The following ASAP1 variants were observed in gnomAD, a reference collection of about 807,000 sequenced individuals.
ASAP1 encodes the protein arf-GAP with SH3 domain, ANK repeat and PH domain-containing protein 1.
In ASAP1, 43 loss-of-function variants were observed where a neutral mutation model predicts 145.2. That is an observed-to-expected ratio of 0.30 (90% CI 0.23 to 0.38). The LOEUF is 0.38. ASAP1 is among the 10% of genes least tolerant of loss of function. The pLI, the probability that ASAP1 is intolerant of heterozygous loss-of-function variation, is 1.00. For missense variants in ASAP1, 1,018 were observed against 1,355.3 expected (o/e 0.75, Z 3.91); for synonymous variants, 546 against 515.5 (o/e 1.06, Z -0.80).
At chr8:130,065,368 A>C (rs1341184783) in intron 27 of ASAP1, among the ~76,000 whole-genome samples, 2 of 152,080 alleles carry the variant, frequency 1.3e-5, no homozygotes, top group African/African-American at 4.8e-5. Flanking sequence ...AGCTTTCTAG[A>C]AGCTCCTTGA....
intron 2 of ASAP1, among the ~76,000 whole-genome samples, chr8:130,363,360 A>AT (rs1025400723): frequency 3.4e-5 from 5 of 148,630 alleles, no homozygotes; most frequent in East Asian, 2.0e-4. Flanking sequence ...ACTGCATCTC[A>AT]TTTTTTTTAA....
intron 3 of ASAP1, among the ~76,000 whole-genome samples, chr8:130,315,703 T>C (rs1823624932): frequency 6.6e-6 from 1 of 152,216 alleles, no homozygotes; most frequent in African/African-American, 2.4e-5. Context: ...ATATCTGGTC[T>C]ACCCAGCTGC....
chr8:130,374,085 T>A (rs1363919874), intron 2 of ASAP1, among the ~76,000 whole-genome samples: 1 of 142,078 alleles, frequency 7.0e-6, no homozygotes, highest in Non-Finnish European at 1.5e-5. Flanking sequence ...AGCACAGAAC[T>A]TAGAAGTCAA....
intron 1 of ASAP1, among the ~76,000 whole-genome samples, chr8:130,440,143 C>T (rs2138840807): frequency 6.6e-6 from 1 of 152,252 alleles, no homozygotes; most frequent in East Asian, 1.9e-4. Flanking sequence ...ACCTCCATTG[C>T]TGCTGTCCAG....
chr8:130,130,824 G>A (rs1393734274), intron 15 of ASAP1, among the ~76,000 whole-genome samples: 3 of 152,016 alleles, frequency 2.0e-5, no homozygotes, highest in East Asian at 1.9e-4. Flanking sequence ...CGGGAAGATC[G>A]CTCTAGCCTA....
chr8:130,424,781 C>A (rs959136953), intron 1 of ASAP1, among the ~76,000 whole-genome samples: 4 of 152,040 alleles, frequency 2.6e-5, no homozygotes, highest in African/African-American at 9.7e-5. Flanking sequence ...ATCACGAGGT[C>A]AGGAGATCAA....
At chr8:130,404,113 GA>G (rs1465922139) in intron 1 of ASAP1, among the ~76,000 whole-genome samples, 1 of 152,192 alleles carries the variant, frequency 6.6e-6, no homozygotes, top group Non-Finnish European at 1.5e-5. Flanking sequence ...AAGCCATGTG[GA>G]TACAAAGATT....
At chr8:130,415,027 G>T (rs914370080) in intron 1 of ASAP1, among the ~76,000 whole-genome samples, 6 of 152,190 alleles carry the variant, frequency 3.9e-5, no homozygotes, top group African/African-American at 1.4e-4. Flanking sequence ...CAAAGTGCTG[G>T]GATTACAGGC....
At chr8:130,265,959 T>C (rs1195992713) in intron 3 of ASAP1, among the ~76,000 whole-genome samples, 2 of 152,146 alleles carry the variant, frequency 1.3e-5, no homozygotes, top group Non-Finnish European at 2.9e-5. Flanking sequence ...CTAACATCCA[T>C]AGTGAGTAAG....
intron 12 of ASAP1, among the ~76,000 whole-genome samples, chr8:130,155,649 C>T (rs552206672): frequency 5.3e-5 from 8 of 152,324 alleles, no homozygotes; most frequent in Admixed American, 4.6e-4. Flanking sequence ...GCCCAGCCAG[C>T]ACCTGATCTT....
intron 11 of ASAP1, chr8:130,163,242 CTA>C (rs2136042762): frequency 6.6e-6 from 1 of 152,282 alleles, no homozygotes; most frequent in East Asian, 1.9e-4. Context: ...AAATAAAACA[CTA>C]AGTTTAAAAA....
At chr8:130,062,432 C>T (rs1021548113) in intron 27 of ASAP1, among the ~76,000 whole-genome samples, 2 of 152,190 alleles carry the variant, frequency 1.3e-5, no homozygotes, top group African/African-American at 4.8e-5. Flanking sequence ...ACAGGCTGGT[C>T]CCTAAGCTTC....
chr8:130,171,013 G>C (rs1056847939), intron 9 of ASAP1, among the ~76,000 whole-genome samples: 4 of 152,132 alleles, frequency 2.6e-5, no homozygotes, highest in African/African-American at 9.7e-5. Context: ...ACCGTGCCTG[G>C]CCTAAACCCT....
intron 15 of ASAP1, among the ~76,000 whole-genome samples, chr8:130,128,569 G>A (rs955598797): frequency 1.3e-5 from 2 of 152,142 alleles, no homozygotes; most frequent in African/African-American, 4.8e-5. Flanking sequence ...ACACTTAACA[G>A]TGAAAATGAA....
intron 3 of ASAP1, among the ~76,000 whole-genome samples, chr8:130,270,416 T>C (rs1173168359): frequency 1.3e-5 from 2 of 152,244 alleles, no homozygotes; most frequent in African/African-American, 4.8e-5. Flanking sequence ...GTCTGATCTG[T>C]GTGATCTCAA....
intron 3 of ASAP1, among the ~76,000 whole-genome samples, chr8:130,289,855 A>T (rs1318283145): frequency 1.3e-5 from 2 of 151,236 alleles, no homozygotes; most frequent in African/African-American, 2.4e-5. Context: ...GAACTCCATT[A>T]TCAGATTCTG....
intron 27 of ASAP1, among the ~76,000 whole-genome samples, chr8:130,067,515 C>A (rs988958114): frequency 2.0e-5 from 3 of 152,210 alleles, no homozygotes; most frequent in Non-Finnish European, 2.9e-5. Flanking sequence ...CCAGCCTCAA[C>A]TTCCTGTATA....
At chr8:130,090,433 C>G (rs558537220) in intron 25 of ASAP1, among the ~76,000 whole-genome samples, 1 of 152,332 alleles carries the variant, frequency 6.6e-6, no homozygotes, top group East Asian at 1.9e-4. Context: ...ACAGCAGCCT[C>G]TGAAAATGTC....
At chr8:130,303,242 G>A (rs1822786659) in intron 3 of ASAP1, among the ~76,000 whole-genome samples, 1 of 152,170 alleles carries the variant, frequency 6.6e-6, no homozygotes, top group Admixed American at 6.5e-5. Context: ...GTTGCTGTAA[G>A]GCTGAGATTC....
Sources: allele counts gnomAD v4.1 joint callset (sites outside exome capture counted in the v4.1 genomes callset), GRCh38; gene constraint gnomAD v4.1.1; transcripts MANE v1.5; gene names NCBI Gene and HGNC (gene_info 2026-07-23, HGNC 2026-07-21).